Variants in CPS1 observed in about 807,000 individuals in gnomAD.
CPS1 encodes the protein carbamoyl-phosphate synthase [ammonia], mitochondrial.
CPS1 carries 109 observed loss-of-function variants against 174.6 expected under a neutral mutation model. The observed-to-expected ratio is 0.62, with a 90% CI of 0.53 to 0.73. CPS1 has a LOEUF of 0.73. CPS1 is among the 30% of genes least tolerant of loss of function. CPS1 has a pLI of 0.00. For synonymous variants in CPS1, 637 were observed against 632.0 expected, an observed-to-expected ratio of 1.01 and a Z score of -0.12; for missense variants, 1,689 against 1,821.9, an observed-to-expected ratio of 0.93 and a Z score of 1.33.
chr2:210,659,472 C>A (rs73076048), intron 31 of CPS1, among the ~76,000 whole-genome samples: 3,433 of 152,234 alleles, frequency 0.023, 132 homozygotes, highest in African/African-American at 0.078. Context: ...AACAGGATAG[C>A]ATTAATTTAT....
rs555699253 is a variant in CPS1 at position 210,484,089 on chromosome 2, G to C, written c.3+6323G>C. Among the ~76,000 whole-genome samples the C allele has an allele frequency of 9.9e-4, 151 of 152,222 alleles. 1 individual carries two copies. Among genetic ancestry groups the C allele is most frequent in the Non-Finnish European group, 1.6e-3 (108 of 68,018 alleles). On this transcript the variant is annotated intron_variant, in intron 1 of 38. Transcript: ENST00000430249. Reference sequence around the variant, plus strand: ...AAATGTTATGTCTTAAGATACTAAGGAAACCATGAGAACTCATGGTGGGAG... The same window carrying C: ...AAATGTTATGTCTTAAGATACTAAGCAAACCATGAGAACTCATGGTGGGAG...
intron 21 of CPS1, chr2:210,618,306 A>G (rs1466858848): frequency 6.6e-6 from 1 of 152,110 alleles, no homozygotes; most frequent in Non-Finnish European, 1.5e-5. Context: ...ATAATGATCT[A>G]CATTTAAAAC....
intron 1 of CPS1, among the ~76,000 whole-genome samples, chr2:210,527,395 T>C (rs1206480529): frequency 2.6e-5 from 4 of 151,978 alleles, no homozygotes. Flanking sequence ...AGAGATCACC[T>C]AGTCTAGTGG....
intron 1 of CPS1, among the ~76,000 whole-genome samples, chr2:210,503,381 C>T (rs759629727): frequency 6.6e-6 from 1 of 152,134 alleles, no homozygotes; most frequent in Non-Finnish European, 1.5e-5. Context: ...GAGAGAGACT[C>T]ATTAAATAAA....
At chr2:210,639,922 T>A in intron 23 of CPS1, 74 bp from the exon 24 acceptor site, 1 of 1,031,250 alleles carries the variant, frequency 9.7e-7, no homozygotes, top group Non-Finnish European at 1.5e-6. Flanking sequence ...TACTTAATGA[T>A]AGGACAACTA....
intron 34 of CPS1, 35 bp from the exon 35 acceptor site, chr2:210,674,867 A>G (rs774934132): frequency 6.4e-7 from 1 of 1,553,876 alleles, no homozygotes; most frequent in Non-Finnish European, 8.9e-7. Flanking sequence ...GAGCATGTAT[A>G]TCTAGAAAGT....
At chr2:210,551,693 T>A (rs919877402), upstream of CPS1, among the ~76,000 whole-genome samples, 1 of 152,012 alleles carries the variant, frequency 6.6e-6, no homozygotes, top group Non-Finnish European at 1.5e-5. Flanking sequence ...CCAAACTTTA[T>A]GTTATCAAAT....
Position 210,625,952 on chromosome 2 carries a change from G to T in CPS1, c.2687+9411G>T, listed in dbSNP as rs75027819. On this transcript the variant is annotated intron_variant, in intron 21 of 37. Coordinates refer to ENST00000233072, the MANE Select transcript of CPS1 (RefSeq NM_001875.5). ...TAAAGTGGATATTAGCTACCTGTTTGTTCATTGGGTGAAATAGTTGACGCC... is the reference window on the plus strand; with the variant it reads ...TAAAGTGGATATTAGCTACCTGTTTTTTCATTGGGTGAAATAGTTGACGCC... 0.011 allele frequency among the ~76,000 whole-genome samples: 1,622 copies of T among 152,040 alleles called. 85 individuals are homozygous for T. The East Asian group carries it at 0.13, about 12-fold the overall frequency.
chr2:210,568,100 C>T (rs184053813), intron 1 of CPS1, among the ~76,000 whole-genome samples: 27 of 152,092 alleles, frequency 1.8e-4, no homozygotes, highest in Middle Eastern at 3.4e-3. Context: ...AAATCTAGTA[C>T]GGTAGATAAA....
Position 210,606,878 on chromosome 2 carries a change from A to C in CPS1, c.2129A>C (p.Tyr710Ser). 6.2e-7 allele frequency: 1 copy of C among 1,612,660 alleles called. No individual in the cohort carries two copies. Among genetic ancestry groups the C allele is most frequent in the African/African-American group, 1.3e-5 (1 of 74,936 alleles). The change falls in exon 18 of 38, where the codon TAC becomes TCC. Residue 710 changes from tyrosine (Y) to serine (S), a missense_variant. Coordinates refer to ENST00000233072, the MANE Select transcript of CPS1 (RefSeq NM_001875.5). ...QFALHPTSMEYCIIEVNARLS... is the reference protein window; with the variant it reads ...QFALHPTSMESCIIEVNARLS... Reference sequence around the variant, plus strand: ...GCCCTTCATCCTACCTCAATGGAATACTGCATCATTGAAGTGAATGCCAGA... The same window carrying C: ...GCCCTTCATCCTACCTCAATGGAATCCTGCATCATTGAAGTGAATGCCAGA...
intron 1 of CPS1, among the ~76,000 whole-genome samples, chr2:210,482,588 C>T (rs1391154119): frequency 6.6e-6 from 1 of 151,954 alleles, no homozygotes; most frequent in East Asian, 1.9e-4. Flanking sequence ...TGAGCCACTG[C>T]TCCCACCTGA....
chr2:210,669,139 A>G (rs1473540101), intron 34 of CPS1, among the ~76,000 whole-genome samples: 2 of 152,194 alleles, frequency 1.3e-5, no homozygotes, highest in African/African-American at 4.8e-5. Flanking sequence ...GCAATAAAAA[A>G]TGCACTGTCA....
At chr2:210,536,195 A>G (rs999944850) in intron 1 of CPS1, among the ~76,000 whole-genome samples, 1 of 152,100 alleles carries the variant, frequency 6.6e-6, no homozygotes, top group Non-Finnish European at 1.5e-5. Flanking sequence ...TGTATACACA[A>G]TTTTTAAAAA....
intron 36 of CPS1, among the ~76,000 whole-genome samples, chr2:210,676,237 A>G (rs1474565599): frequency 1.3e-5 from 2 of 152,168 alleles, no homozygotes; most frequent in Admixed American, 1.3e-4. Flanking sequence ...ACATACAGGA[A>G]CCTATGTTGA....
At chr2:210,520,119 A>C (rs1695782692) in intron 1 of CPS1, among the ~76,000 whole-genome samples, 2 of 152,060 alleles carry the variant, frequency 1.3e-5, no homozygotes, top group South Asian at 4.1e-4. Flanking sequence ...TGATTTTGCT[A>C]AATTTATATA....
chr2:210,509,008 G>A (rs2105972149), intron 1 of CPS1, among the ~76,000 whole-genome samples: 1 of 152,180 alleles, frequency 6.6e-6, no homozygotes, highest in Non-Finnish European at 1.5e-5. Context: ...GAAAAAGAGG[G>A]AATCCTCCCT....
chr2:210,550,944 T>C (rs1559072018), intron 1 of CPS1, among the ~76,000 whole-genome samples: 1 of 151,936 alleles, frequency 6.6e-6, no homozygotes, highest in Non-Finnish European at 1.5e-5. Flanking sequence ...ATTCAATATT[T>C]AGCTTTTTAT....
chr2:210,638,882 A>G (rs897333232), intron 22 of CPS1, among the ~76,000 whole-genome samples: 1 of 152,188 alleles, frequency 6.6e-6, no homozygotes, highest in Non-Finnish European at 1.5e-5. Context: ...CCAGTTGACT[A>G]TAGGACCACT....
chr2:210,509,881 A>G (rs1040487373), intron 1 of CPS1, among the ~76,000 whole-genome samples: 4 of 152,196 alleles, frequency 2.6e-5, no homozygotes, highest in African/African-American at 9.7e-5. Flanking sequence ...AAAAGAGGAT[A>G]CAAACAAATG....
Sources: allele counts gnomAD v4.1 joint callset (sites outside exome capture counted in the v4.1 genomes callset), GRCh38; gene constraint gnomAD v4.1.1; transcripts MANE v1.5; gene names NCBI Gene and HGNC (gene_info 2026-07-23, HGNC 2026-07-21).